The following CHRDL1 variants were observed in gnomAD, a reference collection of about 807,000 sequenced individuals.
CHRDL1 encodes chordin like 1.
Under a neutral mutation model 40.9 loss-of-function variants are expected in CHRDL1, and 19 were observed. The observed-to-expected ratio is 0.46, with a 90% CI of 0.32 to 0.68. The LOEUF (loss-of-function observed/expected upper bound fraction) is 0.68. Ranked by LOEUF, CHRDL1 falls within the 30% of genes least tolerant of loss-of-function variation. The probability of loss-of-function intolerance (pLI) is 0.03; values close to 1 mark genes in which losing one functional copy is unlikely to be tolerated. For synonymous variants in CHRDL1, 136 were observed against 123.4 expected (o/e 1.10, Z -0.68); for missense variants, 329 against 352.1 (o/e 0.93, Z 0.53).
chrX:110,686,692 C>T (rs2070023634), intron 9 of CHRDL1, among the ~76,000 whole-genome samples: 1 of 108,862 alleles, frequency 9.2e-6, no homozygotes, highest in Non-Finnish European at 1.9e-5. Flanking sequence ...CTTTGGGAGG[C>T]TGAGGCGAGT....
intron 2 of CHRDL1, among the ~76,000 whole-genome samples, chrX:110,777,466 C>G (rs938665378): frequency 8.9e-6 from 1 of 111,786 alleles, no homozygotes; most frequent in African/African-American, 3.2e-5. Flanking sequence ...TTCTCATCAG[C>G]AATGATTGAA....
chrX:110,721,851 C>A (rs2070962132), intron 4 of CHRDL1, among the ~76,000 whole-genome samples: 1 of 112,209 alleles, frequency 8.9e-6, no homozygotes, highest in East Asian at 2.8e-4. Flanking sequence ...TGGACAAGGT[C>A]CCTGCCTAGA....
chrX:110,742,631 A>C (rs2071381565), intron 4 of CHRDL1, among the ~76,000 whole-genome samples: 1 of 111,629 alleles, frequency 9.0e-6, no homozygotes, highest in African/African-American at 3.3e-5. Context: ...AGATATAAAC[A>C]GTGAAGAAAG....
chrX:110,694,818 C>T (rs946837801), intron 7 of CHRDL1, among the ~76,000 whole-genome samples: 7 of 111,835 alleles, frequency 6.3e-5, no homozygotes, highest in Non-Finnish European at 5.6e-5. Context: ...GACTTTTTTA[C>T]AGGCAGAAGT....
At chrX:110,735,589 A>G (rs893957255) in intron 4 of CHRDL1, among the ~76,000 whole-genome samples, 2 of 112,203 alleles carry the variant, frequency 1.8e-5, no homozygotes, top group Non-Finnish European at 3.8e-5. Flanking sequence ...GATGGCTGAT[A>G]GCATCTCCAG....
At chrX:110,771,718 A>G (rs2089763071) in intron 2 of CHRDL1, among the ~76,000 whole-genome samples, 1 of 111,648 alleles carries the variant, frequency 9.0e-6, no homozygotes, top group Admixed American at 9.6e-5. Context: ...TATAGCTAAT[A>G]TTACACTTAA....
intron 8 of CHRDL1, among the ~76,000 whole-genome samples, chrX:110,689,475 T>A (rs2070123536): frequency 2.0e-5 from 1 of 49,997 alleles, no homozygotes; most frequent in Non-Finnish European, 2.9e-5. Flanking sequence ...TATCTATATA[T>A]CTATATATCT....
rs752005116 is a variant in CHRDL1, at chrX:110,760,308, T to C, written c.208-554A>G. Among the ~76,000 whole-genome samples, 6 of 112,308 alleles carry C rather than the reference T, an allele frequency of 5.3e-5. No homozygotes were observed. In the South Asian group the frequency reaches 1.5e-3, roughly 28 times the overall value. ...AGAGTTTGGAATTTAGCTGATTAGG[T>C]AGTATGCCTGGGTGGGGCGACTGGG... On this transcript the variant is annotated intron_variant, in intron 3 of 11. Transcript: ENST00000372042.
rs368891719 is a variant in CHRDL1, at chrX:110,708,137, G to A, written c.542-7416C>T. Among the ~76,000 whole-genome samples, 129 of 110,055 alleles carry A rather than the reference G, an allele frequency of 1.2e-3. 3 individuals are homozygous for A. The South Asian group carries it at 0.048, about 41-fold the overall frequency. The stretch of plus-strand genomic sequence containing the variant: ...TAGAATGGTGATCCTTAAAAAGTCA[G>A]GAAACAACAGATGCTGGAAAGGATG... On this transcript the variant is annotated intron_variant, in intron 6 of 11. Transcript: ENST00000372042.
chrX:110,679,374 T>C lies in CHRDL1; in HGVS notation c.1208A>G (p.Glu403Gly), dbSNP rs1354375180. 3 of 1,206,817 alleles carry C rather than the reference T, an allele frequency of 2.5e-6. No homozygotes were observed. The highest frequency in any genetic ancestry group is 3.4e-6 in the Non-Finnish European group (3 of 892,221). ...GGTCACCAGCTTGAAGTGAGGAAGC[T>C]CCTCAAACATCCTCTTGGAGATCTT... ...IEKISKRMFEELPHFKLVTRT... is the reference protein window; with the variant it reads ...IEKISKRMFEGLPHFKLVTRT... Residue 403 changes from glutamate to glycine, a missense_variant, in exon 11 of 12, where the codon GAG becomes GGG. Coordinates refer to ENST00000372042, the MANE Select transcript of CHRDL1 (RefSeq NM_001143981.2).
chrX:110,677,957 T>C lies in CHRDL1; in HGVS notation c.1246+1379A>G, dbSNP rs187137018. The stretch of plus-strand genomic sequence containing the variant: ...TGATGCTGATCTTGTTGATTTAACC[T>C]CAGAAATGTTTCTCACAGTGACGTC... On this transcript the variant is annotated intron_variant, in intron 11 of 11. Coordinates refer to ENST00000372042, the MANE Select transcript of CHRDL1 (RefSeq NM_001143981.2). 4.6e-3 allele frequency among the ~76,000 whole-genome samples: 519 copies of C among 111,613 alleles called. 3 individuals are homozygous for C. Among genetic ancestry groups the C allele is most frequent in the African/African-American group, 0.016 (489 of 30,723 alleles).
chrX:110,748,279 C>T (rs186391410), intron 4 of CHRDL1, among the ~76,000 whole-genome samples: 2 of 111,983 alleles, frequency 1.8e-5, no homozygotes, highest in Admixed American at 9.5e-5. Context: ...AGAAAGCAAT[C>T]GCAGAAGAGG....
intron 8 of CHRDL1, among the ~76,000 whole-genome samples, chrX:110,689,709 ATATATATATCTATATATATCTATATATC>A (rs2070172243): frequency 3.3e-5 from 1 of 30,303 alleles, no homozygotes; most frequent in Admixed American, 4.1e-4. Flanking sequence ...CTATATATCT[ATATATATATCTATATATATCTATATATC>A]TATATATATC....
intron 6 of CHRDL1, among the ~76,000 whole-genome samples, chrX:110,703,286 A>T (rs2070554343): frequency 1.8e-5 from 2 of 111,682 alleles, no homozygotes; most frequent in African/African-American, 3.3e-5. Flanking sequence ...CTGCGTACAC[A>T]TCAGGTGCTC....
chrX:110,751,890 A>G (rs2089365586), intron 4 of CHRDL1, among the ~76,000 whole-genome samples: 1 of 112,143 alleles, frequency 8.9e-6, no homozygotes, highest in Admixed American at 9.4e-5. Context: ...TCAACGGAAG[A>G]ATGGATAAAG....
chrX:110,715,831 G>A (rs2070831486), intron 6 of CHRDL1, among the ~76,000 whole-genome samples: 1 of 112,485 alleles, frequency 8.9e-6, no homozygotes, highest in African/African-American at 3.2e-5. Context: ...TGCTCAGTAT[G>A]GACTTTCTTT....
At chrX:110,707,434 C>T in intron 6 of CHRDL1, among the ~76,000 whole-genome samples, 1 of 111,261 alleles carries the variant, frequency 9.0e-6, no homozygotes, top group Non-Finnish European at 1.9e-5. Flanking sequence ...GTACTGGTAC[C>T]AAAACAGATA....
At chrX:110,777,515 T>C (rs1269974224) in intron 2 of CHRDL1, among the ~76,000 whole-genome samples, 4 of 111,883 alleles carry the variant, frequency 3.6e-5, no homozygotes, top group Non-Finnish European at 5.7e-5. Flanking sequence ...CATTTGGTGT[T>C]GTCAGTGTTC....
chrX:110,777,467 A>C (rs1269449577), intron 2 of CHRDL1, among the ~76,000 whole-genome samples: 2 of 111,899 alleles, frequency 1.8e-5, no homozygotes, highest in Non-Finnish European at 3.8e-5. Flanking sequence ...TCTCATCAGC[A>C]ATGATTGAAA....
Sources: allele counts gnomAD v4.1 joint callset (sites outside exome capture counted in the v4.1 genomes callset), GRCh38; gene constraint gnomAD v4.1.1; transcripts MANE v1.5; gene names NCBI Gene and HGNC (gene_info 2026-07-23, HGNC 2026-07-21).